GNPTAB: variants seen among roughly 807,000 people sequenced by gnomAD.
The protein encoded by GNPTAB is N-acetylglucosamine-1-phosphotransferase subunits alpha/beta.
Under a neutral mutation model 136.6 loss-of-function variants are expected in GNPTAB, and 92 were observed. That is an observed-to-expected ratio of 0.67 (90% CI 0.57 to 0.80). The LOEUF is 0.80. Among genes scored for constraint, GNPTAB ranks in the 30% least tolerant of loss-of-function variants. The probability of loss-of-function intolerance (pLI) is 0.00; values close to 1 mark genes in which losing one functional copy is unlikely to be tolerated. For missense variants in GNPTAB, 1,343 were observed against 1,501.8 expected (o/e 0.89, Z 1.75); for synonymous variants, 512 against 535.1 (o/e 0.96, Z 0.60).
chr12:101,791,796 G>GA (rs1204342005), intron 2 of GNPTAB, among the ~76,000 whole-genome samples: 1 of 152,124 alleles, frequency 6.6e-6, no homozygotes, highest in African/African-American at 2.4e-5. Context: ...ATTATGGAAA[G>GA]AAAAAAATTA....
chr12:101,790,026 A>G lies in GNPTAB; in HGVS notation c.235T>C (p.Tyr79His). 1 of 1,614,190 alleles carries G rather than the reference A, an allele frequency of 6.2e-7. No individual in the cohort carries two copies. Among genetic ancestry groups the G allele is most frequent in the East Asian group, 2.2e-5 (1 of 44,890 alleles). The change falls in exon 3 of 21, where the codon TAC (tyrosine) becomes CAC (histidine). Residue 79 changes from tyrosine to histidine, a missense_variant. Physicochemically the swap from Tyr to His is moderately conservative, Grantham distance 83. Coordinates refer to ENST00000299314, the MANE Select transcript of GNPTAB (RefSeq NM_024312.5). ...LCLPMPIDVV[Y>H]TWVNGTDLEL... ...AGATCTGTGCCATTCACCCAGGTGT[A>G]AACAACGTCAATCGGCATGGGCAGA...
intron 1 of GNPTAB, among the ~76,000 whole-genome samples, chr12:101,824,955 C>T (rs1230445943): frequency 6.6e-6 from 1 of 152,208 alleles, no homozygotes; most frequent in African/African-American, 2.4e-5. Context: ...ACTCCCACCA[C>T]TTCCTAAAAT....
chr12:101,810,100 C>CAA (rs34735767), intron 1 of GNPTAB, among the ~76,000 whole-genome samples: 1 of 151,262 alleles, frequency 6.6e-6, no homozygotes, highest in African/African-American at 2.4e-5. Flanking sequence ...CCAGTCTCTA[C>CAA]AAAAAAAGGT....
chr12:101,780,192 T>A lies in GNPTAB; in HGVS notation c.731A>T (p.Lys244Ile). The A allele has an allele frequency of 6.2e-7, 1 of 1,613,922 alleles. No individual in the cohort carries two copies. Among genetic ancestry groups the A allele is most frequent in the Non-Finnish European group, 8.5e-7 (1 of 1,179,790 alleles). Residue 244 changes from lysine to isoleucine, a missense_variant, in exon 7 of 21, where the codon AAA (lysine) becomes ATA (isoleucine). Lys to Ile is a moderately radical substitution (Grantham distance 102). Coordinates refer to ENST00000299314, the MANE Select transcript of GNPTAB (RefSeq NM_024312.5). Reference protein sequence around the residue: ...PPTFKETNQLKTKLPENLSSK... With the variant: ...PPTFKETNQLITKLPENLSSK... ...GGAAAGATTTTCTGGCAATTTTGTT[T>A]TTAGTTGATTTGTTTCCTTGAATGT...
At chr12:101,827,947 AGAGT>A (rs1871182650) in intron 1 of GNPTAB, among the ~76,000 whole-genome samples, 1 of 152,208 alleles carries the variant, frequency 6.6e-6, no homozygotes, top group South Asian at 2.1e-4. Context: ...AGCGTGGGCA[AGAGT>A]GAGACTCTAT....
At chr12:101,759,104 C>T (rs1350762053) in intron 16 of GNPTAB, among the ~76,000 whole-genome samples, 2 of 152,096 alleles carry the variant, frequency 1.3e-5, no homozygotes, top group Non-Finnish European at 2.9e-5. Flanking sequence ...TGGCTCACGC[C>T]TGTAATCCCG....
intron 2 of GNPTAB, 107 bp from the exon 3 acceptor site, chr12:101,790,164 A>G: frequency 6.9e-7 from 1 of 1,441,916 alleles, no homozygotes; most frequent in Admixed American, 1.7e-5. Context: ...AAATCTCTGA[A>G]GAAGTAATCC....
Position 101,765,178 on chromosome 12 carries a change from T to C in GNPTAB, c.1739A>G (p.Tyr580Cys), listed in dbSNP as rs777643676. Reference sequence around the variant, plus strand: ...ATGTCGAATTATTGGATTGTCACTATAGGCACCTTCAACTCCTCTTTTGGC... The same window carrying C: ...ATGTCGAATTATTGGATTGTCACTACAGGCACCTTCAACTCCTCTTTTGGC... ...EVAKRGVEGA[Y>C]SDNPIIRHAS... Residue 580 changes from tyrosine to cysteine, a missense_variant, in exon 13 of 21, where the codon TAT becomes TGT. By Grantham distance (194) the Tyr-to-Cys change is radical (BLOSUM62 -2). Coordinates refer to ENST00000299314, the MANE Select transcript of GNPTAB (RefSeq NM_024312.5). The C allele has an allele frequency of 2.2e-5, 35 of 1,614,058 alleles. No homozygotes were observed. Among genetic ancestry groups the C allele is most frequent in the Middle Eastern group, 1.6e-4 (1 of 6,084 alleles).
intron 1 of GNPTAB, among the ~76,000 whole-genome samples, chr12:101,806,917 C>T (rs1869962204): frequency 6.6e-6 from 1 of 152,124 alleles, no homozygotes; most frequent in African/African-American, 2.4e-5. Flanking sequence ...GAGAACATTT[C>T]CTAATTCATT....
chr12:101,746,993 A>G lies in GNPTAB; in HGVS notation c.*171T>C, dbSNP rs1440351374. ...CACACAAGTTTTCAGTGGGTTGGTT[A>G]AATAATTCCTGGTCAGTGGGCTATA... On this transcript the variant is annotated 3_prime_UTR_variant, in exon 21 of 21. Transcript: ENST00000299314. 9.7e-6 allele frequency: 6 copies of G among 621,424 alleles called. No individual in the cohort carries two copies. In the East Asian group the frequency reaches 1.7e-4, roughly 18 times the overall value. 38.5% of individuals were successfully genotyped at this position (621,424 alleles called of 1,614,324 possible).
Position 101,780,298 on chromosome 12 carries a change from G to T in GNPTAB, c.637-12C>A. 1 of 1,613,632 alleles carries T rather than the reference G, an allele frequency of 6.2e-7. No homozygotes were observed. Among genetic ancestry groups the T allele is most frequent in the Non-Finnish European group, 8.5e-7 (1 of 1,179,704 alleles). On this transcript the variant is annotated splice_polypyrimidine_tract_variant and intron_variant, in intron 6 of 20. Transcript: ENST00000299314. ...TCTTTATCTGTTGTCTAAAATAAGGGGAAAAACATAACTCATTTTCCACAT... is the reference window on the plus strand; with the variant it reads ...TCTTTATCTGTTGTCTAAAATAAGGTGAAAAACATAACTCATTTTCCACAT...
intron 1 of GNPTAB, among the ~76,000 whole-genome samples, chr12:101,803,799 G>T (rs1869780001): frequency 6.6e-6 from 1 of 152,128 alleles, no homozygotes; most frequent in Admixed American, 6.5e-5. Flanking sequence ...AATAAACACT[G>T]TTAGACAAAA....
At chr12:101,765,645 TA>T in intron 12 of GNPTAB, 1 of 370,948 alleles carries the variant, frequency 2.7e-6, no homozygotes, top group South Asian at 2.6e-5. Flanking sequence ...CCTGACTCAC[TA>T]TAGAGATATG....
chr12:101,828,530 G>A (rs1020850375), intron 1 of GNPTAB, among the ~76,000 whole-genome samples: 8 of 151,948 alleles, frequency 5.3e-5, no homozygotes, highest in Admixed American at 2.0e-4. Context: ...GTGGTGGCAC[G>A]CACCTGTAAT....
chr12:101,757,633 T>C lies in GNPTAB; in HGVS notation c.3274A>G (p.Thr1092Ala). 6.3e-7 allele frequency: 1 copy of C among 1,583,584 alleles called. No individual in the cohort carries two copies. Among genetic ancestry groups the C allele is most frequent in the Non-Finnish European group, 8.7e-7 (1 of 1,152,528 alleles). The stretch of plus-strand genomic sequence containing the variant: ...TTGTCAGTTACTGGTTTACAGTTTG[T>C]TACTAGACTTTTAGTGACCGGTGGC... Reference protein sequence around the residue: ...NLPPVTKSLVTNCKPVTDKIH... With the variant: ...NLPPVTKSLVANCKPVTDKIH... The change falls in exon 17 of 21, where the codon ACA becomes GCA. Residue 1092 changes from threonine to alanine, a missense_variant. By Grantham distance (58) the Thr-to-Ala change is moderately conservative. Transcript: ENST00000299314.
intron 1 of GNPTAB, among the ~76,000 whole-genome samples, chr12:101,811,837 C>T (rs1321924165): frequency 6.6e-6 from 1 of 151,102 alleles, no homozygotes; most frequent in Non-Finnish European, 1.5e-5. Context: ...TGGGGTTTCA[C>T]CATGTTGGCC....
rs1331256146 is a variant in GNPTAB, at chr12:101,830,692, C to T, written c.-17G>A. ...GAACAGCATCACCCCTTCACCGCCACGCCACGCCCCGAGGAGCCTGAGCCG... is the reference window on the plus strand; with the variant it reads ...GAACAGCATCACCCCTTCACCGCCATGCCACGCCCCGAGGAGCCTGAGCCG... On this transcript the variant is annotated 5_prime_UTR_variant, in exon 1 of 21. In the 5' UTR this introduces an upstream ATG that the reference lacks. Transcript: ENST00000299314. The T allele has an allele frequency of 9.5e-6, 14 of 1,471,024 alleles. No homozygotes were observed. The highest frequency in any genetic ancestry group is 1.3e-5 in the Non-Finnish European group (14 of 1,062,416). The allele number at this position is 1,471,024 out of a possible 1,614,324, so 91.1% of individuals were successfully genotyped here.
rs1477897253 is a variant in GNPTAB, at chr12:101,746,124, T to G, written c.*1040A>C. ...ACATCTGGCTGGTGGGCAGTTTTTG[T>G]ACAGCTGCAAGCTAAACATGGTTTT... is the stretch of plus-strand genomic sequence containing the variant. On this transcript the variant is annotated 3_prime_UTR_variant, in exon 21 of 21. Transcript: ENST00000299314. 5 of 152,176 alleles carry G rather than the reference T, an allele frequency of 3.3e-5. No individual in the cohort carries two copies. The highest frequency in any genetic ancestry group is 3.3e-4 in the Admixed American group (5 of 15,264). 9.4% of individuals were successfully genotyped at this position (152,176 alleles called of 1,614,324 possible). A position where few individuals can be genotyped will look rare whatever the true frequency, so the allele number is the denominator to read the frequency against.
chr12:101,747,274 T>A (rs761563485), intron 20 of GNPTAB, 33 bp from the exon 21 acceptor site: 1 of 1,242,012 alleles, frequency 8.1e-7, no homozygotes, highest in Non-Finnish European at 1.2e-6. Flanking sequence ...TACATTTTAA[T>A]TCTCACGTTG....
Sources: gnomAD v4.1 joint callset for allele counts (sites outside exome capture counted in the v4.1 genomes callset) on GRCh38, gnomAD v4.1.1 for gene constraint, MANE v1.5 for transcripts, NCBI Gene and HGNC (gene_info 2026-07-23, HGNC 2026-07-21) for gene names.